Variants in NEDD9 observed in about 807,000 individuals in gnomAD.
NEDD9 encodes the protein neural precursor cell expressed, developmentally down-regulated 9.
A neutral mutation model predicts 76.6 loss-of-function variants in NEDD9; 26 were observed. That is an observed-to-expected ratio of 0.34 (90% CI 0.25 to 0.47). The LOEUF is 0.47. Among genes scored for constraint, NEDD9 ranks in the 20% least tolerant of loss-of-function variants. The probability of loss-of-function intolerance (pLI) is 1.00; values close to 1 mark genes in which losing one functional copy is unlikely to be tolerated. For missense variants in NEDD9, 937 were observed against 1,058.5 expected (o/e 0.89, Z 1.59); for synonymous variants, 392 against 414.2 (o/e 0.95, Z 0.65).
At chr6:11,191,659 T>C (rs958094861) in intron 4 of NEDD9, among the ~76,000 whole-genome samples, 4 of 152,230 alleles carry the variant, frequency 2.6e-5, no homozygotes, top group South Asian at 2.1e-4. Context: ...GCATACCCCA[T>C]AGGGTAACAG....
At chr6:11,348,684 C>T (rs377560887) in intron 1 of NEDD9, among the ~76,000 whole-genome samples, 1 of 152,116 alleles carries the variant, frequency 6.6e-6, no homozygotes, top group Admixed American at 6.5e-5. Flanking sequence ...GAAAGGAGTC[C>T]TGTTCAATAA....
intron 1 of NEDD9, among the ~76,000 whole-genome samples, chr6:11,220,863 C>T (rs1364000539): frequency 2.0e-5 from 3 of 152,134 alleles, no homozygotes; most frequent in African/African-American, 4.8e-5. Context: ...ATTTAGGGTT[C>T]GTGCTGGACA....
chr6:11,204,735 A>AT (rs1347402387), intron 2 of NEDD9, among the ~76,000 whole-genome samples: 1 of 135,356 alleles, frequency 7.4e-6, no homozygotes, highest in Non-Finnish European at 1.5e-5. Context: ...AAAAAAAAAA[A>AT]AAGAAAGAAA....
At chr6:11,210,740 G>A (rs561965512) in intron 2 of NEDD9, among the ~76,000 whole-genome samples, 2 of 139,908 alleles carry the variant, frequency 1.4e-5, no homozygotes, top group Non-Finnish European at 3.1e-5. Context: ...AGGAAGGGAG[G>A]GAGAGGGAAG....
At chr6:11,192,932 C>CAA (rs71550759) in intron 3 of NEDD9, among the ~76,000 whole-genome samples, 9,696 of 28,146 alleles carry the variant, frequency 0.34, 3,213 homozygotes, top group East Asian at 0.57. Context: ...GACTCTGTCT[C>CAA]AAAAAAAAAA....
intron 3 of NEDD9, among the ~76,000 whole-genome samples, chr6:11,303,706 T>A (rs550573312): frequency 1.3e-5 from 2 of 152,068 alleles, no homozygotes; most frequent in Non-Finnish European, 2.9e-5. Flanking sequence ...ACAAGCAATA[T>A]TGAAAGGGTT....
intron 3 of NEDD9, among the ~76,000 whole-genome samples, chr6:11,244,458 C>A (rs984138740): frequency 6.6e-6 from 1 of 152,184 alleles, no homozygotes; most frequent in African/African-American, 2.4e-5. Context: ...CTTTCTCCCA[C>A]CTACTTCCCA....
At chr6:11,221,925 G>A (rs938933036) in intron 1 of NEDD9, among the ~76,000 whole-genome samples, 1 of 152,090 alleles carries the variant, frequency 6.6e-6, no homozygotes, top group Non-Finnish European at 1.5e-5. Flanking sequence ...GTTGGCACTG[G>A]ATCATATCTA....
At chr6:11,209,445 C>CA (rs1321281270) in intron 2 of NEDD9, among the ~76,000 whole-genome samples, 1 of 152,158 alleles carries the variant, frequency 6.6e-6, no homozygotes, top group South Asian at 2.1e-4. Flanking sequence ...GCCACACACT[C>CA]AAAAAACACA....
At chr6:11,231,470 C>G (rs909418886) in intron 1 of NEDD9, among the ~76,000 whole-genome samples, 4 of 152,146 alleles carry the variant, frequency 2.6e-5, no homozygotes, top group Admixed American at 2.0e-4. Flanking sequence ...AGAAAAAAAG[C>G]GAAGTAGCTT....
chr6:11,361,716 T>C (rs983834022), intron 1 of NEDD9, among the ~76,000 whole-genome samples: 1 of 152,082 alleles, frequency 6.6e-6, no homozygotes, highest in African/African-American at 2.4e-5. Context: ...ACAAAAACCA[T>C]GTCATTTTTA....
intron 3 of NEDD9, among the ~76,000 whole-genome samples, chr6:11,255,569 G>A (rs1003982531): frequency 6.6e-6 from 1 of 152,130 alleles, no homozygotes; most frequent in Non-Finnish European, 1.5e-5. Context: ...TGAAGGCCCC[G>A]TGGCAGAAGG....
intron 2 of NEDD9, among the ~76,000 whole-genome samples, chr6:11,202,087 G>T (rs1167887986): frequency 1.3e-5 from 2 of 152,196 alleles, no homozygotes; most frequent in Non-Finnish European, 2.9e-5. Flanking sequence ...GTGCTGTAAT[G>T]ATTACAGATT....
At chr6:11,360,923 G>A (rs768034399) in intron 1 of NEDD9, among the ~76,000 whole-genome samples, 7 of 152,208 alleles carry the variant, frequency 4.6e-5, no homozygotes, top group Non-Finnish European at 7.3e-5. Context: ...AAGGCATAGA[G>A]CAGACTGTCC....
chr6:11,328,823 G>C (rs1056568547), intron 2 of NEDD9: 4 of 152,256 alleles, frequency 2.6e-5, no homozygotes, highest in Non-Finnish European at 4.4e-5. Context: ...TCTGGTGTGA[G>C]TTAGTGGCCC....
Position 11,214,469 on chromosome 6 carries a change from T to C in NEDD9, c.13-742A>G, listed in dbSNP as rs79997972. On this transcript the variant is annotated intron_variant, in intron 1 of 6. Coordinates refer to ENST00000379446, the MANE Select transcript of NEDD9 (RefSeq NM_006403.4). ...TGAGGGCCCCTCCTCGCCCTCCCCT[T>C]TCGTCACCTACTTCTTGAATCTCAC... Among the ~76,000 whole-genome samples the C allele has an allele frequency of 2.1e-3, 326 of 152,372 alleles. 1 individual carries two copies. The highest frequency in any genetic ancestry group is 7.5e-3 in the African/African-American group (313 of 41,596).
At chr6:11,374,755 CA>C (rs1245686101) in intron 1 of NEDD9, among the ~76,000 whole-genome samples, 2 of 152,190 alleles carry the variant, frequency 1.3e-5, no homozygotes, top group Non-Finnish European at 2.9e-5. Flanking sequence ...GTCTGGGGAA[CA>C]ATACTTTTGT....
intron 1 of NEDD9, among the ~76,000 whole-genome samples, chr6:11,338,242 C>A (rs1474683725): frequency 6.6e-6 from 1 of 152,138 alleles, no homozygotes; most frequent in Non-Finnish European, 1.5e-5. Context: ...GACACATGAA[C>A]ATGAAAGCAG....
At chr6:11,268,176 T>G (rs1310770589) in intron 3 of NEDD9, among the ~76,000 whole-genome samples, 2 of 134,932 alleles carry the variant, frequency 1.5e-5, no homozygotes, top group Non-Finnish European at 3.2e-5. Context: ...ACTACAGGCA[T>G]GCGCCACCGA....
Sources: gnomAD v4.1 joint callset for allele counts (sites outside exome capture counted in the v4.1 genomes callset) on GRCh38, gnomAD v4.1.1 for gene constraint, MANE v1.5 for transcripts, NCBI Gene and HGNC (gene_info 2026-07-23, HGNC 2026-07-21) for gene names.